The following ZFHX3 variants were observed in gnomAD, a reference collection of about 807,000 sequenced individuals.
ZFHX3 encodes zinc finger homeobox protein 3.
ZFHX3 carries 42 observed loss-of-function variants against 279.1 expected under a neutral mutation model. That is an observed-to-expected ratio of 0.15 (90% CI 0.12 to 0.19). The LOEUF (loss-of-function observed/expected upper bound fraction) is 0.19. Ranked by LOEUF, ZFHX3 falls within the 10% of genes least tolerant of loss-of-function variation. The probability of loss-of-function intolerance (pLI) is 1.00; values close to 1 mark genes in which losing one functional copy is unlikely to be tolerated. For missense variants in ZFHX3, 4,981 were observed against 4,754.0 expected, an observed-to-expected ratio of 1.05 and a Z score of -1.40; for synonymous variants, 2,293 against 1,957.8, an observed-to-expected ratio of 1.17 and a Z score of -4.52.
At position 73,591,092 on chromosome 16, in the gene ZFHX3, C is replaced by G. The variant is rs1004602450; in HGVS notation, c.-1547+89088G>C. 3.3e-5 allele frequency among the ~76,000 whole-genome samples: 5 copies of G among 152,202 alleles called. No individual in the cohort carries two copies. The South Asian group carries it at 1.0e-3, about 32-fold the overall frequency. ...AAATAAGCCAAGTGTGTGCCTCATG[C>G]CCGTAATCCCAGCACTTTGGGAGGC... On this transcript the variant is annotated intron_variant, in intron 2 of 17. Coordinates refer to the ZFHX3 transcript ENST00000641206.
At position 72,795,412 on chromosome 16, in the gene ZFHX3, C is replaced by T. The variant is rs1040561665; in HGVS notation, c.7270G>A (p.Glu2424Lys). Residue 2424 changes from glutamate (E) to lysine (K), a missense_variant, in exon 9 of 10, where the codon GAG (glutamate) becomes AAG (lysine). Around this residue, in one of 7 missense-constraint regions of ZFHX3, gnomAD observed 744 missense variants for 701.3 expected, o/e 1.06. Coordinates refer to ENST00000268489, the MANE Select transcript of ZFHX3 (RefSeq NM_006885.4). ...AGCTTTGGTTTCTCATCGCCTGCCT[C>T]TGTTTTTGAATTGAAGGTGGCCAGT... ...EELATFNSKTEAGDEKPKLAE... is the reference protein window; with the variant it reads ...EELATFNSKTKAGDEKPKLAE... The T allele has an allele frequency of 6.2e-7, 1 of 1,613,996 alleles. No individual in the cohort carries two copies. Among genetic ancestry groups the T allele is most frequent in the Non-Finnish European group, 8.5e-7 (1 of 1,180,036 alleles).
intron 5 of ZFHX3, among the ~76,000 whole-genome samples, chr16:73,160,194 A>G (rs1228816548): frequency 6.6e-6 from 1 of 152,222 alleles, no homozygotes. Context: ...TCCAAACTAG[A>G]AAACCTAGAA....
intron 1 of ZFHX3, among the ~76,000 whole-genome samples, chr16:73,781,025 A>G (rs949597649): frequency 6.6e-6 from 1 of 152,218 alleles, no homozygotes; most frequent in African/African-American, 2.4e-5. Context: ...CTTCTATATT[A>G]AAAGCTTTAG....
chr16:72,994,019 T>C (rs2144578004), intron 1 of ZFHX3, among the ~76,000 whole-genome samples: 1 of 152,296 alleles, frequency 6.6e-6, no homozygotes, highest in Middle Eastern at 3.4e-3. Flanking sequence ...GACAGATTTC[T>C]CAGACACCCC....
intron 1 of ZFHX3, among the ~76,000 whole-genome samples, chr16:73,727,094 G>A (rs765640415): frequency 6.6e-6 from 1 of 152,210 alleles, no homozygotes; most frequent in Non-Finnish European, 1.5e-5. Context: ...CCACAGGGGT[G>A]GATGTGGAAC....
chr16:73,277,115 T>TA (rs2014321158), intron 4 of ZFHX3, among the ~76,000 whole-genome samples: 1 of 152,200 alleles, frequency 6.6e-6, no homozygotes, highest in South Asian at 2.1e-4. Flanking sequence ...CCTCACACTT[T>TA]AAAAAATGTT....
intron 5 of ZFHX3, among the ~76,000 whole-genome samples, chr16:72,822,795 G>GC (rs2036829166): frequency 2.2e-5 from 2 of 90,436 alleles, no homozygotes; most frequent in Non-Finnish European, 4.3e-5. Context: ...TAGAAAGTGA[G>GC]TTTTTTTTTT....
At chr16:73,447,893 T>C (rs1386990629) in intron 3 of ZFHX3, among the ~76,000 whole-genome samples, 1 of 152,244 alleles carries the variant, frequency 6.6e-6, no homozygotes, top group Non-Finnish European at 1.5e-5. Context: ...AACTTCATCA[T>C]GCTGTAAAAA....
At chr16:73,128,779 G>C (rs1567396036) in intron 7 of ZFHX3, among the ~76,000 whole-genome samples, 1 of 152,176 alleles carries the variant, frequency 6.6e-6, no homozygotes, top group Non-Finnish European at 1.5e-5. Context: ...GTTTCTGAAA[G>C]TCCAGATCAA....
Position 73,814,272 on chromosome 16 carries a change from C to T in ZFHX3, c.-1608+77379G>A, listed in dbSNP as rs956233841. On this transcript the variant is annotated intron_variant, in intron 1 of 17. Coordinates refer to the ZFHX3 transcript ENST00000641206. ...GGAGAGACAATAAATGGTAGCCAGA[C>T]AGATTCTCTTTCTTACTGTAAAGCC... Among the ~76,000 whole-genome samples the T allele has an allele frequency of 1.1e-4, 16 of 152,060 alleles. No homozygotes were observed. The East Asian group carries it at 2.5e-3, about 24-fold the overall frequency.
intron 9 of ZFHX3, chr16:72,790,930 C>T (rs937374832): frequency 2.6e-5 from 4 of 152,228 alleles, no homozygotes; most frequent in African/African-American, 7.2e-5. Flanking sequence ...ATAAGAGGTT[C>T]AAATTTTAAG....
intron 3 of ZFHX3, among the ~76,000 whole-genome samples, chr16:73,439,933 C>CAA (rs2018060344): frequency 6.4e-5 from 5 of 78,218 alleles, no homozygotes; most frequent in African/African-American, 1.6e-4. Flanking sequence ...AAAAAAAAAA[C>CAA]ACAAAAAAAA....
intron 1 of ZFHX3, among the ~76,000 whole-genome samples, chr16:73,753,933 T>C (rs768395668): frequency 4.0e-5 from 6 of 151,828 alleles, no homozygotes; most frequent in Non-Finnish European, 8.8e-5. Flanking sequence ...GTTTGTTGTG[T>C]CTTTATAGAC....
Position 73,349,640 on chromosome 16 carries a change from C to T in ZFHX3, c.-1290-31304G>A, listed in dbSNP as rs866709021. On this transcript the variant is annotated intron_variant, in intron 3 of 17. Transcript: ENST00000641206. Reference sequence around the variant, plus strand: ...TCCCTCCCTTCCTCCCTCCCTCCCTCCCTCCCTCTCTCCCTCCTTCCCTCT... The same window carrying T: ...TCCCTCCCTTCCTCCCTCCCTCCCTTCCTCCCTCTCTCCCTCCTTCCCTCT... Among the ~76,000 whole-genome samples the T allele has an allele frequency of 3.4e-3, 119 of 34,866 alleles. 2 individuals are homozygous for T. Among genetic ancestry groups the T allele is most frequent in the African/African-American group, 8.3e-3 (106 of 12,810 alleles). The allele number at this position is 34,866 out of a possible 152,430, so 22.9% of individuals were successfully genotyped here.
intron 1 of ZFHX3, among the ~76,000 whole-genome samples, chr16:73,750,424 A>T (rs1475509517): frequency 6.6e-6 from 1 of 152,128 alleles, no homozygotes. Flanking sequence ...AGATGACACT[A>T]AATTGGGAGG....
intron 1 of ZFHX3, among the ~76,000 whole-genome samples, chr16:73,722,584 T>C (rs2053483918): frequency 6.6e-6 from 1 of 152,188 alleles, no homozygotes; most frequent in African/African-American, 2.4e-5. Context: ...AAATTAGATA[T>C]GCCCAGATCT....
chr16:73,193,488 C>G (rs79856893), intron 5 of ZFHX3, among the ~76,000 whole-genome samples: 75 of 152,276 alleles, frequency 4.9e-4, no homozygotes, highest in African/African-American at 1.8e-3. Flanking sequence ...CACCAAGGAA[C>G]ATGTTGACAG....
chr16:73,567,493 G>GA (rs1366107199), intron 2 of ZFHX3, among the ~76,000 whole-genome samples: 1 of 152,154 alleles, frequency 6.6e-6, no homozygotes, highest in Non-Finnish European at 1.5e-5. Flanking sequence ...TCTCTACCAG[G>GA]ATAACACCAG....
At chr16:73,139,926 T>A (rs1966842369) in intron 6 of ZFHX3, among the ~76,000 whole-genome samples, 1 of 152,180 alleles carries the variant, frequency 6.6e-6, no homozygotes, top group Non-Finnish European at 1.5e-5. Context: ...TGGTTCTCAA[T>A]CTCTCAGCTC....
Sources: allele counts gnomAD v4.1 joint callset (sites outside exome capture counted in the v4.1 genomes callset), GRCh38; gene constraint gnomAD v4.1.1; regional missense constraint gnomAD v4.1.1; transcripts MANE v1.5; gene names NCBI Gene and HGNC (gene_info 2026-07-23, HGNC 2026-07-21).